Variants in DFFA observed in about 807,000 individuals in gnomAD.
DFFA encodes DNA fragmentation factor subunit alpha.
Under a neutral mutation model 28.0 loss-of-function variants are expected in DFFA, and 14 were observed. The ratio of observed to expected loss-of-function variants is 0.50; its 90% CI spans 0.33 to 0.78. The LOEUF (loss-of-function observed/expected upper bound fraction) is 0.78. Ranked by LOEUF, DFFA falls within the 30% of genes least tolerant of loss-of-function variation. The probability of loss-of-function intolerance (pLI) is 0.02; values close to 1 mark genes in which losing one functional copy is unlikely to be tolerated. For missense variants in DFFA, 395 were observed against 407.1 expected (o/e 0.97, Z 0.26); for synonymous variants, 158 against 170.3 (o/e 0.93, Z 0.56).
chr1:10,471,694 CATCTT>C (rs1212953001), intron 1 of DFFA, among the ~76,000 whole-genome samples: 1 of 152,124 alleles, frequency 6.6e-6, no homozygotes, highest in African/African-American at 2.4e-5. Context: ...TTAAATATAT[CATCTT>C]ATTTGAGAGA....
intron 5 of DFFA, chr1:10,462,786 C>T: frequency 7.7e-7 from 1 of 1,302,770 alleles, no homozygotes; most frequent in Non-Finnish European, 9.8e-7. Flanking sequence ...TTGGGCCCTG[C>T]TATTCCTCCC....
chr1:10,469,042 T>A, intron 2 of DFFA, 135 bp downstream of exon 2: 3 of 942,394 alleles, frequency 3.2e-6, no homozygotes, highest in Non-Finnish European at 4.8e-6. Flanking sequence ...GTCTGGCACA[T>A]AGAAAGTGCT....
chr1:10,457,708 CT>C lies in DFFA; in HGVS notation c.*3781del, dbSNP rs1407032682. On this transcript the variant is annotated 3_prime_UTR_variant, in exon 6 of 6. Transcript: ENST00000377038. The stretch of plus-strand genomic sequence containing the variant: ...AAAACGAAACAAAACAAATATAGTA[CT>C]TCATTTAACCCTTTCAAGCTTGGAG... 1.3e-5 allele frequency: 2 copies of C among 152,018 alleles called. No homozygotes were observed. Among genetic ancestry groups the C allele is most frequent in the African/African-American group, 4.8e-5 (2 of 41,404 alleles). 9.4% of individuals were successfully genotyped at this position (152,018 alleles called of 1,614,324 possible). A position where few individuals can be genotyped will look rare whatever the true frequency, so the allele number is the denominator to read the frequency against.
Position 10,472,465 on chromosome 1 carries a change from C to T in DFFA, c.-7G>A. ...CGTCCCCGGTCACCTCCATCCTCCACAAGGTGGGACCTGCCCACCTTCGAG... is the reference window on the plus strand; with the variant it reads ...CGTCCCCGGTCACCTCCATCCTCCATAAGGTGGGACCTGCCCACCTTCGAG... On this transcript the variant is annotated 5_prime_UTR_variant, in exon 1 of 6. The change creates a new upstream start codon in the 5' untranslated region. Coordinates refer to ENST00000377038, the MANE Select transcript of DFFA (RefSeq NM_004401.3). This position sits in a 1 kb window ranked among gnomAD's most constrained non-coding sequence, Gnocchi z 5.0. 1 of 1,604,862 alleles carries T rather than the reference C, an allele frequency of 6.2e-7. No individual in the cohort carries two copies. The highest frequency in any genetic ancestry group is 8.5e-7 in the Non-Finnish European group (1 of 1,174,544).
Position 10,461,472 on chromosome 1 carries a change from G to T in DFFA, c.*18C>A. On this transcript the variant is annotated 3_prime_UTR_variant, in exon 6 of 6. Coordinates refer to ENST00000377038, the MANE Select transcript of DFFA (RefSeq NM_004401.3). ...AACACAACGCCACAGAGCTTCCTTG[G>T]CACACTTCCCGCTGCTGCTATGTGG... The T allele has an allele frequency of 6.2e-7, 1 of 1,608,476 alleles. No homozygotes were observed. The highest frequency in any genetic ancestry group is 8.5e-7 in the Non-Finnish European group (1 of 1,177,168).
chr1:10,471,062 C>CAAAAAAAAAAAA, intron 1 of DFFA, among the ~76,000 whole-genome samples: 1 of 96,522 alleles, frequency 1.0e-5, no homozygotes, highest in Non-Finnish European at 2.0e-5. Context: ...CACTCCGTCT[C>CAAAAAAAAAAAA]AAAAAAAAAA....
In DFFA at chr1:10,459,250, A is replaced by C. The variant is rs1158076280; in HGVS notation, c.*2240T>G. 1 of 152,242 alleles carries C rather than the reference A, an allele frequency of 6.6e-6. No individual in the cohort carries two copies. Among genetic ancestry groups the C allele is most frequent in the Non-Finnish European group, 1.5e-5 (1 of 68,056 alleles). 9.4% of individuals were successfully genotyped at this position (152,242 alleles called of 1,614,324 possible). ...GCATAAAAAGTGGTCAAATAAGTCC[A>C]TGATGACTCATCACCTTTTCCCTGC... On this transcript the variant is annotated 3_prime_UTR_variant, in exon 6 of 6. Transcript: ENST00000377038.
chr1:10,463,112 A>G lies in DFFA; in HGVS notation c.729T>C (p.Thr243=). ...CTGGAGCCTGCTTCTCCCTCAGTGC[A>G]GTAAGGATGTGGCTCGCCAGCGCAA... ...SDVALASHIL[T]ALREKQAPEL... The change falls in exon 5 of 6, where the codon ACT becomes ACC. Residue 243 remains threonine, a synonymous_variant. Transcript: ENST00000377038. The G allele has an allele frequency of 6.2e-7, 1 of 1,614,114 alleles. No homozygotes were observed. Among genetic ancestry groups the G allele is most frequent in the Non-Finnish European group, 8.5e-7 (1 of 1,180,030 alleles).
intron 3 of DFFA, among the ~76,000 whole-genome samples, chr1:10,464,046 C>T (rs1409771279): frequency 2.0e-5 from 3 of 151,976 alleles, no homozygotes; most frequent in Admixed American, 6.6e-5. Context: ...CCAAAGTTAC[C>T]TACTATGATA....
At position 10,463,444 on chromosome 1, in the gene DFFA, C is replaced by A; in HGVS notation, c.618G>T (p.Leu206Phe). Residue 206 changes from leucine to phenylalanine, a missense_variant, in exon 4 of 6, where the codon TTG becomes TTT. By Grantham distance (22) the Leu-to-Phe change is conservative. Transcript: ENST00000377038. ...AGAGAGTCCTACCTTCCTGCTTTGA[C>A]AAGAGGCTGCCCTCTTTCTCCAAAG... Reference protein sequence around the residue: ...LQALEKEGSLLSKQEESKAAF... With the variant: ...LQALEKEGSLFSKQEESKAAF... 8.7e-6 allele frequency: 14 copies of A among 1,612,524 alleles called. No individual in the cohort carries two copies. The highest frequency in any genetic ancestry group is 1.2e-5 in the Non-Finnish European group (14 of 1,179,412).
intron 5 of DFFA, among the ~76,000 whole-genome samples, chr1:10,462,066 G>A (rs776617387): frequency 6.6e-5 from 10 of 152,120 alleles, no homozygotes; most frequent in Non-Finnish European, 1.3e-4. Context: ...CACCGTGTTC[G>A]CCAGGATGGT....
At chr1:10,465,456 G>A (rs1340134522) in intron 3 of DFFA, among the ~76,000 whole-genome samples, 2 of 151,338 alleles carry the variant, frequency 1.3e-5, no homozygotes, top group Non-Finnish European at 2.9e-5. Context: ...AGTAGAGACG[G>A]GATTTCACCA....
chr1:10,463,253 C>T, intron 4 of DFFA, 44 bp from the exon 5 acceptor site: 1 of 1,598,702 alleles, frequency 6.3e-7, no homozygotes, highest in Non-Finnish European at 8.6e-7. Flanking sequence ...GGTGTGACCA[C>T]ACAGCCACAT....
intron 5 of DFFA, chr1:10,462,015 T>A (rs545568858): frequency 4.2e-6 from 1 of 237,342 alleles, no homozygotes; most frequent in East Asian, 1.8e-4. Flanking sequence ...CGACCACGCC[T>A]GGCTAATTTT....
chr1:10,463,347 G>T, intron 4 of DFFA, 84 bp downstream of exon 4: 1 of 1,548,882 alleles, frequency 6.5e-7, no homozygotes. Context: ...AGTGGCCCTG[G>T]CTACATCACA....
At chr1:10,469,428 T>C in intron 1 of DFFA, 90 bp from the exon 2 acceptor site, 1 of 1,126,114 alleles carries the variant, frequency 8.9e-7, no homozygotes, top group Non-Finnish European at 1.3e-6. Flanking sequence ...GCTCCAGAGC[T>C]GAGCAGAACT....
At chr1:10,462,497 T>TTC (rs1640962332) in intron 5 of DFFA, 1 of 989,852 alleles carries the variant, frequency 1.0e-6, no homozygotes, top group African/African-American at 1.7e-5. Context: ...TTGGAGCAAC[T>TTC]CTAAGGTCCT....
Position 10,461,623 on chromosome 1 carries a change from GCCT to G in DFFA, c.860_862del (p.Glu287del). On this transcript the variant is annotated inframe_deletion, in exon 6 of 6. Coordinates refer to ENST00000377038, the MANE Select transcript of DFFA (RefSeq NM_004401.3). The stretch of plus-strand genomic sequence containing the variant: ...GCGCAGGGCGAGCTCCCGCTCACAG[GCCT>G]CCTGAACAGTCTCCGTCTTCTTTAT... 1 of 1,614,238 alleles carries G rather than the reference GCCT, an allele frequency of 6.2e-7. No individual in the cohort carries two copies. The highest frequency in any genetic ancestry group is 2.2e-5 in the East Asian group (1 of 44,876).
In DFFA at chr1:10,463,480, C is replaced by CAGCT; in HGVS notation, c.578_581dup (p.Tyr195AlafsTer25). On this transcript the variant is annotated frameshift_variant, in exon 4 of 6. Transcript: ENST00000377038. LOFTEE classifies it high-confidence loss of function. ...CCTCTTTCTCCAAAGCCTGGAGGTA[C>CAGCT]AGCTGCAGGAGCTGCTTGGACTGAC... is the stretch of plus-strand genomic sequence containing the variant. The CAGCT allele has an allele frequency of 6.2e-7, 1 of 1,614,044 alleles. No homozygotes were observed. The highest frequency in any genetic ancestry group is 1.1e-5 in the South Asian group (1 of 91,078).
Sources: gnomAD v4.1 joint callset for allele counts (sites outside exome capture counted in the v4.1 genomes callset) on GRCh38, gnomAD v4.1.1 for gene constraint, Gnocchi (gnomAD v3.1) non-coding constraint, MANE v1.5 for transcripts, NCBI Gene and HGNC (gene_info 2026-07-23, HGNC 2026-07-21) for gene names.